LYRM7: variants seen among roughly 807,000 people sequenced by gnomAD.
The protein encoded by LYRM7 is LYR motif containing 7.
A neutral mutation model predicts 15.8 loss-of-function variants in LYRM7; 9 were observed. The ratio of observed to expected loss-of-function variants is 0.57; its 90% CI spans 0.34 to 0.99. The LOEUF is 0.99. Ranked by LOEUF, LYRM7 falls within the 50% of genes least tolerant of loss-of-function variation. The pLI, the probability that LYRM7 is intolerant of heterozygous loss-of-function variation, is 0.02. For missense variants in LYRM7, 115 were observed against 119.1 expected (o/e 0.97, Z 0.16); for synonymous variants, 39 against 39.4 (o/e 0.99, Z 0.04).
intron 4 of LYRM7, among the ~76,000 whole-genome samples, chr5:131,197,731 G>A (rs1208723424): frequency 6.6e-6 from 1 of 151,532 alleles, no homozygotes; most frequent in East Asian, 1.9e-4. Flanking sequence ...TTTTTGTAGA[G>A]ACAGAGTCTC....
chr5:131,187,234 T>G (rs940899532), intron 4 of LYRM7, 125 bp downstream of exon 4: 9 of 543,734 alleles, frequency 1.7e-5, no homozygotes, highest in Non-Finnish European at 2.0e-5. Context: ...GTATATAGCA[T>G]ATATATTTTA....
chr5:131,185,485 A>AT (rs1260472319), intron 3 of LYRM7, among the ~76,000 whole-genome samples: 2 of 152,170 alleles, frequency 1.3e-5, no homozygotes, highest in Non-Finnish European at 2.9e-5. Context: ...CTGTGAATGG[A>AT]TTTTTTACCC....
chr5:131,184,641 G>GGT (rs991634906), intron 3 of LYRM7, among the ~76,000 whole-genome samples: 2 of 89,582 alleles, frequency 2.2e-5, no homozygotes, highest in African/African-American at 8.8e-5. Context: ...TTTTTTTGGC[G>GGT]GGGGGGGGGT....
intron 2 of LYRM7, among the ~76,000 whole-genome samples, chr5:131,181,316 TACACAC>T (rs1554089874): frequency 3.6e-5 from 1 of 27,642 alleles, no homozygotes; most frequent in African/African-American, 1.0e-4. Flanking sequence ...TATATATATA[TACACAC>T]ACACACACAT....
Position 131,201,830 on chromosome 5 carries a change from G to C in LYRM7, c.*2229G>C, listed in dbSNP as rs1381180518. The C allele has an allele frequency of 6.6e-6, 1 of 152,126 alleles. No homozygotes were observed. Among genetic ancestry groups the C allele is most frequent in the African/African-American group, 2.4e-5 (1 of 41,402 alleles). The allele number at this position is 152,126 out of a possible 1,614,324, so 9.4% of individuals were successfully genotyped here. ...CGCACTCTATTCTTATATAGCATATGCTAATTTATTTATTTATTTTTTGAG... is the reference window on the plus strand; with the variant it reads ...CGCACTCTATTCTTATATAGCATATCCTAATTTATTTATTTATTTTTTGAG... On this transcript the variant is annotated 3_prime_UTR_variant, in exon 5 of 5. Coordinates refer to ENST00000379380, the MANE Select transcript of LYRM7 (RefSeq NM_181705.4).
At chr5:131,185,493 C>T (rs1360339695) in intron 3 of LYRM7, among the ~76,000 whole-genome samples, 1 of 152,194 alleles carries the variant, frequency 6.6e-6, no homozygotes, top group Non-Finnish European at 1.5e-5. Context: ...GGATTTTTTA[C>T]CCATGCATGA....
In LYRM7 at chr5:131,201,365, T is replaced by C. The variant is rs1238302447; in HGVS notation, c.*1764T>C. The C allele has an allele frequency of 6.7e-6, 1 of 149,428 alleles. No individual in the cohort carries two copies. The highest frequency in any genetic ancestry group is 1.5e-5 in the Non-Finnish European group (1 of 67,300). 9.3% of individuals were successfully genotyped at this position (149,428 alleles called of 1,614,324 possible). A position where few individuals can be genotyped will look rare whatever the true frequency, so the allele number is the denominator to read the frequency against. ...AAAGGAAAAAAAAAAGATATATTGA[T>C]ACAGATAGGTAGATATGATATTGTA... On this transcript the variant is annotated 3_prime_UTR_variant, in exon 5 of 5. Coordinates refer to ENST00000379380, the MANE Select transcript of LYRM7 (RefSeq NM_181705.4).
intron 1 of LYRM7, among the ~76,000 whole-genome samples, chr5:131,172,332 G>C (rs1443834123): frequency 1.3e-5 from 2 of 152,204 alleles, no homozygotes; most frequent in Non-Finnish European, 2.9e-5. Flanking sequence ...AGAGTTTCTC[G>C]AACCTGGGAG....
At chr5:131,177,233 C>G (rs554192738) in intron 1 of LYRM7, among the ~76,000 whole-genome samples, 1 of 152,188 alleles carries the variant, frequency 6.6e-6, no homozygotes, top group Non-Finnish European at 1.5e-5. Context: ...GCAATTCAGT[C>G]TTTTGCTATA....
In LYRM7 at chr5:131,199,507, TTC is replaced by T. The variant is rs751271928; in HGVS notation, c.245-20_245-19del. The T allele has an allele frequency of 9.2e-6, 14 of 1,523,190 alleles. No homozygotes were observed. In the Admixed American group the frequency reaches 1.4e-4, roughly 15 times the overall value. 94.4% of individuals were successfully genotyped at this position (1,523,190 alleles called of 1,614,324 possible). On this transcript the variant is annotated intron_variant, in intron 4 of 4. Coordinates refer to ENST00000379380, the MANE Select transcript of LYRM7 (RefSeq NM_181705.4). Reference sequence around the variant, plus strand: ...ATTCTAATTTTAGTGATGTTAATTATTCTCTTTTTTTTTTTTCTTTCAGAACT... The same window carrying T: ...ATTCTAATTTTAGTGATGTTAATTATTCTTTTTTTTTTTTCTTTCAGAACT...
At chr5:131,188,271 T>C (rs1755829529) in intron 4 of LYRM7, among the ~76,000 whole-genome samples, 2 of 151,858 alleles carry the variant, frequency 1.3e-5, no homozygotes, top group African/African-American at 4.8e-5. Context: ...AATATATATA[T>C]TGAAAGGCTT....
chr5:131,172,154 C>T (rs1055409748), intron 1 of LYRM7, among the ~76,000 whole-genome samples: 2 of 152,216 alleles, frequency 1.3e-5, no homozygotes, highest in African/African-American at 4.8e-5. Context: ...AGGCTCACAC[C>T]TGTAATCCCA....
chr5:131,187,205 G>T, intron 4 of LYRM7, 96 bp downstream of exon 4: 1 of 684,690 alleles, frequency 1.5e-6, no homozygotes, highest in South Asian at 1.9e-5. Flanking sequence ...AAAACAGCTT[G>T]ATTTTGCCAG....
intron 4 of LYRM7, among the ~76,000 whole-genome samples, chr5:131,193,965 C>T (rs1252356040): frequency 1.3e-5 from 2 of 151,850 alleles, no homozygotes; most frequent in Non-Finnish European, 1.5e-5. Context: ...GCCGAGATTG[C>T]GCCATTGCAC....
intron 4 of LYRM7, among the ~76,000 whole-genome samples, chr5:131,193,951 G>A (rs1161376164): frequency 6.6e-6 from 1 of 152,112 alleles, no homozygotes; most frequent in Non-Finnish European, 1.5e-5. Context: ...GGAGGTTGCA[G>A]TGAGCCGAGA....
At chr5:131,184,348 A>G (rs981594482) in intron 3 of LYRM7, among the ~76,000 whole-genome samples, 2 of 151,992 alleles carry the variant, frequency 1.3e-5, no homozygotes, top group Admixed American at 6.6e-5. Context: ...GAGTAAAACA[A>G]TTAGATAATT....
At chr5:131,199,123 T>G (rs1021960508) in intron 4 of LYRM7, among the ~76,000 whole-genome samples, 2 of 152,168 alleles carry the variant, frequency 1.3e-5, no homozygotes, top group Non-Finnish European at 1.5e-5. Flanking sequence ...TTAAGAACAA[T>G]TGTTATTTAA....
chr5:131,199,223 A>G (rs998881608), intron 4 of LYRM7, among the ~76,000 whole-genome samples: 15 of 152,210 alleles, frequency 9.9e-5, no homozygotes, highest in African/African-American at 3.6e-4. Flanking sequence ...ATTATCAGTA[A>G]TTGGTAATTA....
chr5:131,181,417 T>TA (rs1246590037), intron 2 of LYRM7, among the ~76,000 whole-genome samples: 357 of 106,184 alleles, frequency 3.4e-3, no homozygotes, highest in Non-Finnish European at 5.1e-3. Flanking sequence ...ATATATATGT[T>TA]TATATATATA....
Sources: allele counts gnomAD v4.1 joint callset (sites outside exome capture counted in the v4.1 genomes callset), GRCh38; gene constraint gnomAD v4.1.1; transcripts MANE v1.5; gene names NCBI Gene and HGNC (gene_info 2026-07-23, HGNC 2026-07-21).